ERAP1: variants seen among roughly 807,000 people sequenced by gnomAD.
The protein encoded by ERAP1 is endoplasmic reticulum aminopeptidase 1.
Under a neutral mutation model 103.7 loss-of-function variants are expected in ERAP1, and 86 were observed. That is an observed-to-expected ratio of 0.83 (90% CI 0.70 to 0.99). The LOEUF is 0.99. Among genes scored for constraint, ERAP1 ranks in the 50% least tolerant of loss-of-function variants. The pLI, the probability that ERAP1 is intolerant of heterozygous loss-of-function variation, is 0.00. For synonymous variants in ERAP1, 398 were observed against 402.4 expected, an observed-to-expected ratio of 0.99 and a Z score of 0.13; for missense variants, 1,009 against 1,128.4, an observed-to-expected ratio of 0.89 and a Z score of 1.52.
intron 19 of ERAP1, chr5:96,768,531 A>G (rs1770904004): frequency 5.4e-6 from 2 of 373,790 alleles, no homozygotes; most frequent in Admixed American, 7.4e-5. Flanking sequence ...ATTTTACATA[A>G]TTATACTTAC....
chr5:96,834,410 T>G, the ERAP1 span, among the ~76,000 whole-genome samples: 1 of 152,328 alleles, frequency 6.6e-6, no homozygotes, highest in Non-Finnish European at 1.5e-5. Context: ...TAAAGAGCAT[T>G]GTGCACAATG....
chr5:96,900,099 C>T, the ERAP1 span: 2 of 1,613,454 alleles, frequency 1.2e-6, no homozygotes, highest in Non-Finnish European at 8.5e-7. Flanking sequence ...CATTGCAGTG[C>T]TCTTTTGTTC....
chr5:96,768,069 A>G (rs1244502738), intron 19 of ERAP1: 4 of 980,514 alleles, frequency 4.1e-6, no homozygotes, highest in Non-Finnish European at 6.6e-6. Flanking sequence ...TATAAGTTTT[A>G]TTTATTGATT....
the ERAP1 span, among the ~76,000 whole-genome samples, chr5:96,840,648 T>C: frequency 6.6e-6 from 1 of 152,318 alleles, no homozygotes; most frequent in South Asian, 2.1e-4. Context: ...AAAATGCTGA[T>C]ACTCTGTTAA....
At chr5:96,873,653 T>C in the ERAP1 span, 8 of 339,750 alleles carry the variant, frequency 2.4e-5, no homozygotes, top group East Asian at 5.3e-4. Flanking sequence ...GCTTGAAGCA[T>C]GAAGCAAGTG....
At chr5:96,852,002 G>A in the ERAP1 span, among the ~76,000 whole-genome samples, 1 of 152,184 alleles carries the variant, frequency 6.6e-6, no homozygotes, top group African/African-American at 2.4e-5. Flanking sequence ...AAGAAACTTA[G>A]AGCAGTTCTG....
the ERAP1 span, chr5:96,892,573 C>A: frequency 1.7e-5 from 19 of 1,137,466 alleles, no homozygotes; most frequent in Non-Finnish European, 2.2e-5. Context: ...AACTTAGAGA[C>A]TACTAAACCT....
chr5:96,903,449 A>T, the ERAP1 span: 1 of 1,614,036 alleles, frequency 6.2e-7, no homozygotes, highest in East Asian at 2.2e-5. Context: ...TACATCGTTC[A>T]CTATGAGGGT....
rs149374891 is a variant in ERAP1 at position 96,785,892 on chromosome 5, C to A, written c.1839G>T (p.Glu613Asp). The change falls in exon 13 of 19, where the codon GAG becomes GAT. Residue 613 changes from glutamate (E) to aspartate (D), a missense_variant. This residue lies in a region of ERAP1 where 611 missense variants were observed against 651.7 expected (regional missense o/e 0.94). Coordinates refer to ENST00000443439, the MANE Select transcript of ERAP1 (RefSeq NM_001040458.3). ...GMNGYYIVHY[E>D]DDGWDSLTGL... is the part of the protein sequence containing the mutation. ...CAGTCAAAGAGTCCCATCCATCATC[C>A]TCGTAATGCACAATGTAATAGCCAT... The A allele has an allele frequency of 2.3e-5, 37 of 1,614,124 alleles. No homozygotes were observed. In the African/African-American group the frequency reaches 4.0e-4, roughly 17 times the overall value.
In ERAP1 at chr5:96,797,421, T is replaced by A; in HGVS notation, c.664-112A>T. ...TTAAAAGTGTATCAATCCCAGCACT[T>A]GGGGAGTCCGAGGTAGGCAGAATGC... On this transcript the variant is annotated intron_variant, in intron 3 of 18. Transcript: ENST00000443439. 4.0e-6 allele frequency: 5 copies of A among 1,242,000 alleles called. No individual in the cohort carries two copies. In the South Asian group the frequency reaches 6.3e-5, roughly 16 times the overall value. 76.9% of individuals were successfully genotyped at this position (1,242,000 alleles called of 1,614,324 possible). A position where few individuals can be genotyped will look rare whatever the true frequency, so the allele number is the denominator to read the frequency against.
chr5:96,818,938 A>ATTTG, the ERAP1 span, among the ~76,000 whole-genome samples: 1 of 143,956 alleles, frequency 6.9e-6, no homozygotes, highest in African/African-American at 2.7e-5. Context: ...TTATTTATTT[A>ATTTG]TTTTTGAGAC....
chr5:96,876,845 T>C, the ERAP1 span, among the ~76,000 whole-genome samples: 1 of 152,224 alleles, frequency 6.6e-6, no homozygotes, highest in Non-Finnish European at 1.5e-5. Flanking sequence ...TGCAGTATAA[T>C]AGAAAGCCCA....
chr5:96,816,083 G>A, the ERAP1 span, among the ~76,000 whole-genome samples: 1 of 152,184 alleles, frequency 6.6e-6, no homozygotes, highest in Admixed American at 6.5e-5. Flanking sequence ...AGGAGAATCA[G>A]TGAACCTCAA....
the ERAP1 span, among the ~76,000 whole-genome samples, chr5:96,823,882 T>C: frequency 6.6e-6 from 1 of 152,226 alleles, no homozygotes; most frequent in Non-Finnish European, 1.5e-5. Context: ...TCACTATTCT[T>C]GTGCTTTGAG....
chr5:96,825,474 G>A, the ERAP1 span, among the ~76,000 whole-genome samples: 1 of 152,158 alleles, frequency 6.6e-6, no homozygotes, highest in African/African-American at 2.4e-5. Flanking sequence ...CAGATGAAGT[G>A]TTCTATAAAT....
intron 8 of ERAP1, 34 bp downstream of exon 8, chr5:96,792,027 C>T: frequency 6.2e-7 from 1 of 1,612,296 alleles, no homozygotes. Flanking sequence ...ACTTTAGTAT[C>T]TAAACTGTAT....
At position 96,785,200 on chromosome 5, in the gene ERAP1, GA is replaced by G. The variant is rs35568104; in HGVS notation, c.1943+587del. The G allele has an allele frequency of 2.4e-3, 361 of 153,466 alleles. 1 individual carries two copies. The highest frequency in any genetic ancestry group is 8.4e-3 in the African/African-American group (345 of 41,004). The allele number at this position is 153,466 out of a possible 1,614,324, so 9.5% of individuals were successfully genotyped here. On this transcript the variant is annotated intron_variant, in intron 13 of 18. Transcript: ENST00000443439. The stretch of plus-strand genomic sequence containing the variant: ...CTTAAAAACCATTGTCATGGGGGAG[GA>G]AAAAAAAAGGGTAGTGTTAATTCTG...
the ERAP1 span, among the ~76,000 whole-genome samples, chr5:96,865,988 C>T: frequency 1.3e-5 from 2 of 152,202 alleles, no homozygotes; most frequent in Non-Finnish European, 2.9e-5. Flanking sequence ...TATACAAGAT[C>T]GCTTTTTTCA....
chr5:96,813,755 T>C, the ERAP1 span, among the ~76,000 whole-genome samples: 1 of 151,578 alleles, frequency 6.6e-6, no homozygotes, highest in Non-Finnish European at 1.5e-5. Context: ...CAAACTGTAG[T>C]TAGCATTCTG....
Sources: gnomAD v4.1 joint callset for allele counts (sites outside exome capture counted in the v4.1 genomes callset) on GRCh38, gnomAD v4.1.1 for gene constraint, gnomAD v4.1.1 regional missense constraint, MANE v1.5 for transcripts, NCBI Gene and HGNC (gene_info 2026-07-23, HGNC 2026-07-21) for gene names.